Variants in HS3ST5 observed in about 807,000 individuals in gnomAD.
HS3ST5 encodes heparan sulfate glucosamine 3-O-sulfotransferase 5.
HS3ST5 carries 10 observed loss-of-function variants against 25.4 expected under a neutral mutation model. The observed-to-expected ratio is 0.39, with a 90% CI of 0.24 to 0.67. The LOEUF (loss-of-function observed/expected upper bound fraction) is 0.67. HS3ST5 is among the 30% of genes least tolerant of loss of function. The pLI is 0.44. For synonymous variants in HS3ST5, 170 were observed against 162.4 expected (o/e 1.05, Z -0.36); for missense variants, 324 against 420.7 (o/e 0.77, Z 2.01).
intron 1 of HS3ST5, among the ~76,000 whole-genome samples, chr6:114,278,229 A>C (rs1193596533): frequency 6.6e-6 from 1 of 152,046 alleles, no homozygotes; most frequent in Non-Finnish European, 1.5e-5. Context: ...GTAATAAAAA[A>C]TAAATGTCAA....
At chr6:114,110,262 C>A (rs1006857325) in intron 3 of HS3ST5, among the ~76,000 whole-genome samples, 2 of 151,904 alleles carry the variant, frequency 1.3e-5, no homozygotes, top group Non-Finnish European at 2.9e-5. Context: ...AGAGTCTATA[C>A]ATTATTTTAT....
chr6:114,085,078 C>T (rs1562190364), intron 3 of HS3ST5, among the ~76,000 whole-genome samples: 1 of 152,116 alleles, frequency 6.6e-6, no homozygotes, highest in East Asian at 1.9e-4. Flanking sequence ...GATTTGCCTG[C>T]CTCCGCCTCC....
At chr6:114,249,368 C>T (rs1433663914) in intron 1 of HS3ST5, among the ~76,000 whole-genome samples, 1 of 152,124 alleles carries the variant, frequency 6.6e-6, no homozygotes, top group Non-Finnish European at 1.5e-5. Context: ...TTTAAAGTTA[C>T]TAGAAATAAC....
chr6:114,281,973 C>G (rs1306831927), intron 1 of HS3ST5: 1 of 151,916 alleles, frequency 6.6e-6, no homozygotes, highest in Non-Finnish European at 1.5e-5. Flanking sequence ...TCAAAAACAA[C>G]TGGGATTTTT....
rs575890301 is a variant in HS3ST5, at chr6:114,150,546, A to C, written c.-33+17805T>G. On this transcript the variant is annotated intron_variant, in intron 3 of 4. Coordinates refer to ENST00000312719, the MANE Select transcript of HS3ST5 (RefSeq NM_153612.4). ...GGAAAGCTGCTTCAATTAGACCTTT[A>C]TATGAAGGACTGGAGGTGAAAGCCC... Among the ~76,000 whole-genome samples, 6 of 152,332 alleles carry C rather than the reference A, an allele frequency of 3.9e-5. No individual in the cohort carries two copies. The South Asian group carries it at 1.2e-3, about 32-fold the overall frequency.
Position 114,057,040 on chromosome 6 carries a change from G to A in HS3ST5, c.*217C>T, listed in dbSNP as rs1278703926. The A allele has an allele frequency of 2.2e-6, 1 of 455,050 alleles. No individual in the cohort carries two copies. Among genetic ancestry groups the A allele is most frequent in the Non-Finnish European group, 3.9e-6 (1 of 259,376 alleles). 28.2% of individuals were successfully genotyped at this position (455,050 alleles called of 1,614,324 possible). On this transcript the variant is annotated 3_prime_UTR_variant, in exon 5 of 5. Coordinates refer to ENST00000312719, the MANE Select transcript of HS3ST5 (RefSeq NM_153612.4). ...CACCACCTCTTCTCTTTTGTAAATA[G>A]CTTAAAAGATGCGACTATGCAGACA...
At chr6:114,082,551 AGCGG>A (rs1774517880) in intron 3 of HS3ST5, among the ~76,000 whole-genome samples, 1 of 152,194 alleles carries the variant, frequency 6.6e-6, no homozygotes, top group African/African-American at 2.4e-5. Flanking sequence ...GCATTTATTG[AGCGG>A]TGTTAAAGAA....
intron 2 of HS3ST5, among the ~76,000 whole-genome samples, chr6:114,179,462 A>G (rs1779863136): frequency 6.6e-6 from 1 of 152,164 alleles, no homozygotes; most frequent in Admixed American, 6.5e-5. Context: ...TACCCAAGTT[A>G]CAATGAGGGA....
intron 3 of HS3ST5, among the ~76,000 whole-genome samples, chr6:114,140,323 T>A (rs983505203): frequency 2.0e-5 from 3 of 152,234 alleles, no homozygotes; most frequent in African/African-American, 7.2e-5. Flanking sequence ...TGGCTTGCCA[T>A]TTATAATAGT....
At chr6:114,275,968 G>T (rs1562261033) in intron 1 of HS3ST5, among the ~76,000 whole-genome samples, 1 of 151,856 alleles carries the variant, frequency 6.6e-6, no homozygotes, top group African/African-American at 2.4e-5. Flanking sequence ...TGGAAATTTA[G>T]GTTGGGCCCC....
At chr6:114,207,870 A>T (rs1447333933) in intron 2 of HS3ST5, among the ~76,000 whole-genome samples, 1 of 151,954 alleles carries the variant, frequency 6.6e-6, no homozygotes, top group Non-Finnish European at 1.5e-5. Context: ...GTACTATACT[A>T]CTCTATATCA....
chr6:114,338,262 A>G (rs958728993), intron 1 of HS3ST5, among the ~76,000 whole-genome samples: 6 of 144,788 alleles, frequency 4.1e-5, no homozygotes, highest in African/African-American at 1.5e-4. Context: ...ACAGAAACAT[A>G]AATATATACT....
chr6:114,129,626 G>C (rs984718956), intron 3 of HS3ST5, among the ~76,000 whole-genome samples: 1 of 152,192 alleles, frequency 6.6e-6, no homozygotes, highest in African/African-American at 2.4e-5. Flanking sequence ...GCTATTGTTA[G>C]GAGAGCTCAG....
At chr6:114,263,611 A>C (rs955153697) in intron 1 of HS3ST5, among the ~76,000 whole-genome samples, 1 of 152,188 alleles carries the variant, frequency 6.6e-6, no homozygotes, top group African/African-American at 2.4e-5. Flanking sequence ...TAACTGAAAA[A>C]CAAAACACGA....
chr6:114,169,507 A>C (rs1307926027), intron 2 of HS3ST5, among the ~76,000 whole-genome samples: 2 of 152,138 alleles, frequency 1.3e-5, no homozygotes, highest in South Asian at 2.1e-4. Flanking sequence ...AATCAGAGAG[A>C]GAGTAGAAAA....
intron 2 of HS3ST5, among the ~76,000 whole-genome samples, chr6:114,170,676 G>T (rs1274777768): frequency 6.6e-6 from 1 of 152,052 alleles, no homozygotes. Context: ...TGCCACGTTG[G>T]GGAAATAAAT....
At chr6:114,302,399 T>C (rs1297316735) in intron 1 of HS3ST5, among the ~76,000 whole-genome samples, 1 of 152,182 alleles carries the variant, frequency 6.6e-6, no homozygotes, top group Non-Finnish European at 1.5e-5. Flanking sequence ...TAATAAAGTT[T>C]GTCTAGTTTC....
At chr6:114,281,258 A>C (rs559615063) in intron 1 of HS3ST5, among the ~76,000 whole-genome samples, 1 of 152,134 alleles carries the variant, frequency 6.6e-6, no homozygotes, top group African/African-American at 2.4e-5. Context: ...ATCTTCAATT[A>C]AAATAACTGA....
chr6:114,156,907 C>CT (rs1389872498), intron 3 of HS3ST5, among the ~76,000 whole-genome samples: 2 of 152,198 alleles, frequency 1.3e-5, no homozygotes, highest in African/African-American at 4.8e-5. Flanking sequence ...CCAAGCTCTG[C>CT]TTAAGCAACC....
Sources: allele counts gnomAD v4.1 joint callset (sites outside exome capture counted in the v4.1 genomes callset), GRCh38; gene constraint gnomAD v4.1.1; transcripts MANE v1.5; gene names NCBI Gene and HGNC (gene_info 2026-07-23, HGNC 2026-07-21).